ARHGAP39: variants seen among roughly 807,000 people sequenced by gnomAD.
ARHGAP39 encodes Rho GTPase activating protein 39.
In ARHGAP39, 44 loss-of-function variants were observed where a neutral mutation model predicts 106.9. That is an observed-to-expected ratio of 0.41 (90% CI 0.32 to 0.53). The LOEUF is 0.53. Ranked by LOEUF, ARHGAP39 falls within the 20% of genes least tolerant of loss-of-function variation. The pLI, the probability that ARHGAP39 is intolerant of heterozygous loss-of-function variation, is 0.21. For synonymous variants in ARHGAP39, 768 were observed against 693.2 expected, an observed-to-expected ratio of 1.11 and a Z score of -1.69; for missense variants, 1,496 against 1,577.3, an observed-to-expected ratio of 0.95 and a Z score of 0.87.
intron 5 of ARHGAP39, among the ~76,000 whole-genome samples, chr8:144,546,583 C>T (rs1817431369): frequency 6.6e-6 from 1 of 152,232 alleles, no homozygotes; most frequent in African/African-American, 2.4e-5. Flanking sequence ...GTGCACGTGG[C>T]CTCCACGGGA....
chr8:144,601,087 T>G (rs1337305758), intron 2 of ARHGAP39, among the ~76,000 whole-genome samples: 1 of 142,904 alleles, frequency 7.0e-6, no homozygotes, highest in Non-Finnish European at 1.5e-5. Context: ...TGTGTGCATG[T>G]GCGTGGAGGT....
At chr8:144,600,478 C>T (rs1321213335) in intron 2 of ARHGAP39, among the ~76,000 whole-genome samples, 10 of 59,396 alleles carry the variant, frequency 1.7e-4, no homozygotes, top group African/African-American at 4.0e-4. Flanking sequence ...GCGTGTGCAT[C>T]GAGGCGTGTG....
chr8:144,698,971 C>A, the ARHGAP39 span: 1 of 433,124 alleles, frequency 2.3e-6, no homozygotes, highest in Non-Finnish European at 4.6e-6. Flanking sequence ...GAGAAGGCCC[C>A]AGCCGCGTTT....
At chr8:144,627,098 C>A (rs181310412) in intron 1 of ARHGAP39, among the ~76,000 whole-genome samples, 1 of 152,228 alleles carries the variant, frequency 6.6e-6, no homozygotes, top group Non-Finnish European at 1.5e-5. Context: ...GGAACCCAGC[C>A]CCTCACAAAG....
chr8:144,654,384 A>G (rs1821645931), intron 1 of ARHGAP39, among the ~76,000 whole-genome samples: 1 of 152,132 alleles, frequency 6.6e-6, no homozygotes, highest in Admixed American at 6.5e-5. Flanking sequence ...AGGTGCTTGG[A>G]GTCCCAGTTA....
At chr8:144,680,405 C>T (rs1421069208) in intron 1 of ARHGAP39, among the ~76,000 whole-genome samples, 1 of 152,214 alleles carries the variant, frequency 6.6e-6, no homozygotes, top group African/African-American at 2.4e-5. Flanking sequence ...TAAGCAGGCG[C>T]AGCTGTTGAA....
chr8:144,655,805 A>C (rs895674219), intron 1 of ARHGAP39, among the ~76,000 whole-genome samples: 1 of 152,158 alleles, frequency 6.6e-6, no homozygotes, highest in East Asian at 1.9e-4. Flanking sequence ...GCGACACCCC[A>C]AAGACCCCGT....
Position 144,545,325 on chromosome 8 carries a change from GA to G in ARHGAP39, c.2444del (p.Phe815SerfsTer27). Reference protein sequence around the residue: ...WELMAICLAFFPPTPKFHSYL... With the variant: ...WELMAICLAFXPPTPKFHSYL... The stretch of plus-strand genomic sequence containing the variant: ...AGGAGTGGAACTTGGGGGTGGGCGG[GA>G]AAAAGGCCAGGCAGATGGCCATGAG... On this transcript the variant is annotated frameshift_variant, in exon 6 of 12. Coordinates refer to ENST00000377307, the MANE Select transcript of ARHGAP39 (RefSeq NM_025251.3). LOFTEE classifies it high-confidence loss of function. 35 of 1,595,808 alleles carry G rather than the reference GA, an allele frequency of 2.2e-5. No individual in the cohort carries two copies. The highest frequency in any genetic ancestry group is 2.3e-5 in the East Asian group (1 of 44,326).
intron 3 of ARHGAP39, among the ~76,000 whole-genome samples, chr8:144,556,892 A>G (rs74876320): frequency 8.9e-6 from 1 of 112,516 alleles, no homozygotes; most frequent in Non-Finnish European, 1.7e-5. Context: ...CTGAACCTTC[A>G]TAGTATTCAG....
rs1817381578 is a variant in ARHGAP39 at position 144,545,620 on chromosome 8, G to A, written c.2150C>T (p.Ala717Val). The change falls in exon 6 of 12, where the codon GCC (alanine) becomes GTC (valine). Residue 717 changes from alanine to valine, a missense_variant. Ala to Val is a moderately conservative substitution (Grantham distance 64). Coordinates refer to ENST00000377307, the MANE Select transcript of ARHGAP39 (RefSeq NM_025251.3). ...CTCGCTGCTCCAGGCCAGCATGTTG[G>A]CGATGGACACCTTCCGCCGGAAGAG... is the stretch of plus-strand genomic sequence containing the variant. ...QGLFRRKVSI[A>V]NMLAWSSESI... The A allele has an allele frequency of 1.2e-6, 2 of 1,613,748 alleles. No homozygotes were observed. The highest frequency in any genetic ancestry group is 2.7e-5 in the African/African-American group (2 of 75,058).
chr8:144,693,670 G>A, the ARHGAP39 span, among the ~76,000 whole-genome samples: 1 of 152,298 alleles, frequency 6.6e-6, no homozygotes, highest in South Asian at 2.1e-4. Flanking sequence ...ACCGCGCCCA[G>A]CCGCCTGGCC....
intron 1 of ARHGAP39, among the ~76,000 whole-genome samples, chr8:144,669,947 A>G (rs1316239788): frequency 6.6e-6 from 1 of 152,238 alleles, no homozygotes; most frequent in African/African-American, 2.4e-5. Flanking sequence ...TGCTTTGGAA[A>G]ACAGTTTGGC....
chr8:144,618,819 C>G (rs541852190), intron 1 of ARHGAP39, among the ~76,000 whole-genome samples: 1 of 152,380 alleles, frequency 6.6e-6, no homozygotes, highest in Non-Finnish European at 1.5e-5. Context: ...TGCCTACCTC[C>G]TCCCGAGGCC....
In ARHGAP39 at chr8:144,645,011, G is replaced by A. The variant is rs948429119; in HGVS notation, c.-81-39316C>T. Reference sequence around the variant, plus strand: ...CTTGTCCCTGGGTGGCAGGTGACAGGCGCTGGGCCACGGCAGAGAGCACAT... The same window carrying A: ...CTTGTCCCTGGGTGGCAGGTGACAGACGCTGGGCCACGGCAGAGAGCACAT... On this transcript the variant is annotated intron_variant, in intron 1 of 11. Coordinates refer to ENST00000377307, the MANE Select transcript of ARHGAP39 (RefSeq NM_025251.3). This position sits in a 1 kb window ranked among gnomAD's most constrained non-coding sequence, Gnocchi z 4.4. Among the ~76,000 whole-genome samples, 1 of 152,234 alleles carries A rather than the reference G, an allele frequency of 6.6e-6. No individual in the cohort carries two copies. The highest frequency in any genetic ancestry group is 1.5e-5 in the Non-Finnish European group (1 of 68,048).
rs1420106694 is a variant in ARHGAP39 at position 144,555,650 on chromosome 8, C to G, written c.513-7G>C. ...CACTCCTGGTGGTGAAGAGCTGAAA[C>G]ACAGTAAAATGAAAGAAATATGAAT... On this transcript the variant is annotated splice_region_variant and splice_polypyrimidine_tract_variant and intron_variant, in intron 3 of 11. Transcript: ENST00000377307. The G allele has an allele frequency of 1.9e-6, 3 of 1,611,480 alleles. No individual in the cohort carries two copies. The highest frequency in any genetic ancestry group is 2.2e-5 in the South Asian group (2 of 91,052).
chr8:144,542,827 T>C (rs1211297304), intron 6 of ARHGAP39, among the ~76,000 whole-genome samples: 1 of 151,758 alleles, frequency 6.6e-6, no homozygotes, highest in Non-Finnish European at 1.5e-5. Context: ...TGGTCCCTGC[T>C]ACACGGGAGG....
At chr8:144,531,232 C>G (rs1816705523) in intron 10 of ARHGAP39, among the ~76,000 whole-genome samples, 1 of 87,420 alleles carries the variant, frequency 1.1e-5, no homozygotes, top group Non-Finnish European at 2.2e-5. Context: ...GCAGGCACGG[C>G]AGAAGGGCAC....
At chr8:144,533,469 T>A in intron 8 of ARHGAP39, 144 bp from the exon 9 acceptor site, 2 of 833,300 alleles carry the variant, frequency 2.4e-6, no homozygotes, top group East Asian at 5.4e-5. Flanking sequence ...GTGTGGTGTT[T>A]CCCCAGGCCA....
At chr8:144,627,631 C>A (rs953441254) in intron 1 of ARHGAP39, among the ~76,000 whole-genome samples, 1 of 151,460 alleles carries the variant, frequency 6.6e-6, no homozygotes, top group Non-Finnish European at 1.5e-5. Flanking sequence ...ACGGGACACA[C>A]GCCTTGGTCC....
Sources: allele counts gnomAD v4.1 joint callset (sites outside exome capture counted in the v4.1 genomes callset), GRCh38; gene constraint gnomAD v4.1.1; non-coding constraint Gnocchi (gnomAD v3.1); transcripts MANE v1.5; gene names NCBI Gene and HGNC (gene_info 2026-07-23, HGNC 2026-07-21).